ALK: variants seen among roughly 807,000 people sequenced by gnomAD.
ALK encodes the protein ALK tyrosine kinase receptor.
In ALK, 74 loss-of-function variants were observed where a neutral mutation model predicts 163.1. The observed-to-expected ratio is 0.45, with a 90% confidence interval of 0.38 to 0.55. The LOEUF is 0.55. ALK is among the 20% of genes least tolerant of loss of function. The pLI is 0.00. For missense variants in ALK, 2,063 were observed against 2,105.3 expected (o/e 0.98, Z 0.39); for synonymous variants, 960 against 843.2 (o/e 1.14, Z -2.40).
At chr2:29,206,610 C>T (rs560849747) in intron 26 of ALK, among the ~76,000 whole-genome samples, 2 of 152,186 alleles carry the variant, frequency 1.3e-5, no homozygotes, top group South Asian at 4.2e-4. Flanking sequence ...TTCTGGGGCT[C>T]TCAGGCAGAG....
chr2:29,617,881 T>G (rs1332024516), intron 3 of ALK, among the ~76,000 whole-genome samples: 1 of 152,140 alleles, frequency 6.6e-6, no homozygotes, highest in Non-Finnish European at 1.5e-5. Context: ...CAACAGACAG[T>G]GAAATTTTCT....
intron 3 of ALK, among the ~76,000 whole-genome samples, chr2:29,609,312 T>C (rs866643384): frequency 2.0e-5 from 3 of 152,162 alleles, no homozygotes; most frequent in Non-Finnish European, 2.9e-5. Flanking sequence ...CTCTCTCTGG[T>C]GCCCATTCCA....
chr2:29,660,016 C>T lies in ALK; in HGVS notation c.952+34834G>A, dbSNP rs79458248. Among the ~76,000 whole-genome samples the T allele has an allele frequency of 3.9e-3, 594 of 152,244 alleles. 2 individuals are homozygous for T. Among genetic ancestry groups the T allele is most frequent in the African/African-American group, 0.014 (568 of 41,538 alleles). ...AGACTCCATCTTTTAAAAAGTGATA[C>T]CCCACTTTCGGGACATGAAATAAAA... is the stretch of plus-strand genomic sequence containing the variant. On this transcript the variant is annotated intron_variant, in intron 3 of 28. Transcript: ENST00000389048.
At chr2:29,360,974 TAGATGCAG>T (rs202168209) in intron 5 of ALK, among the ~76,000 whole-genome samples, 2 of 152,110 alleles carry the variant, frequency 1.3e-5, no homozygotes, top group Non-Finnish European at 2.9e-5. Context: ...AGGGCTCAGC[TAGATGCAG>T]AGATGCAGAG....
At chr2:29,623,879 A>G (rs1676113342) in intron 3 of ALK, among the ~76,000 whole-genome samples, 1 of 152,232 alleles carries the variant, frequency 6.6e-6, no homozygotes, top group Admixed American at 6.5e-5. Context: ...TCTTTCTTCA[A>G]ACGTCTATTT....
intron 4 of ALK, among the ~76,000 whole-genome samples, chr2:29,493,158 G>C (rs955860293): frequency 6.6e-6 from 1 of 152,158 alleles, no homozygotes; most frequent in Non-Finnish European, 1.5e-5. Flanking sequence ...AAGGAGTGTG[G>C]ATTGGTGTCT....
In ALK at chr2:29,404,888, T is replaced by C. The variant is rs142649888; in HGVS notation, c.1155-21029A>G. On this transcript the variant is annotated intron_variant, in intron 4 of 28. Transcript: ENST00000389048. ...GCCACGAGGAAAAGCAGCACTCAAG[T>C]CTTCCCACCCAGCCCCAAGGAGGAG... 9.4e-3 allele frequency among the ~76,000 whole-genome samples: 1,428 copies of C among 152,270 alleles called. 16 individuals carry two copies. The highest frequency in any genetic ancestry group is 0.015 in the Non-Finnish European group (1,025 of 68,012).
chr2:29,863,951 C>G (rs1443934123), intron 1 of ALK, among the ~76,000 whole-genome samples: 3 of 152,220 alleles, frequency 2.0e-5, no homozygotes, highest in African/African-American at 7.2e-5. Flanking sequence ...TTTCTCCCAA[C>G]AGCCTGTCGT....
At chr2:29,407,633 T>C (rs1220278861) in intron 4 of ALK, among the ~76,000 whole-genome samples, 3 of 152,252 alleles carry the variant, frequency 2.0e-5, no homozygotes, top group Non-Finnish European at 2.9e-5. Flanking sequence ...ACTGTCTTTA[T>C]ATGCAAAGTA....
intron 1 of ALK, among the ~76,000 whole-genome samples, chr2:29,771,374 A>C (rs1158039998): frequency 6.6e-6 from 1 of 152,216 alleles, no homozygotes; most frequent in Non-Finnish European, 1.5e-5. Flanking sequence ...AGTTCTAATC[A>C]AACAAGCTTC....
chr2:29,364,936 T>C (rs1253433646), intron 5 of ALK, among the ~76,000 whole-genome samples: 1 of 152,230 alleles, frequency 6.6e-6, no homozygotes, highest in South Asian at 2.1e-4. Flanking sequence ...TTAGCTTGTT[T>C]TGAACATTTC....
intron 5 of ALK, among the ~76,000 whole-genome samples, chr2:29,377,490 A>AG (rs1420770636): frequency 1.3e-5 from 2 of 151,134 alleles, no homozygotes; most frequent in Non-Finnish European, 2.9e-5. Context: ...AAAAAAAAAA[A>AG]AAGAGAGAGC....
At chr2:29,659,297 G>A (rs971172319) in intron 3 of ALK, among the ~76,000 whole-genome samples, 1 of 152,298 alleles carries the variant, frequency 6.6e-6, no homozygotes, top group Admixed American at 6.5e-5. Flanking sequence ...TTTATAGACA[G>A]TATTTAGGAT....
At chr2:29,558,855 C>T (rs1673935937) in intron 3 of ALK, among the ~76,000 whole-genome samples, 1 of 152,068 alleles carries the variant, frequency 6.6e-6, no homozygotes, top group Admixed American at 6.6e-5. Flanking sequence ...ACGGTGGACA[C>T]CCATAAATGA....
At chr2:29,824,337 C>A (rs1429298489) in intron 1 of ALK, among the ~76,000 whole-genome samples, 1 of 152,198 alleles carries the variant, frequency 6.6e-6, no homozygotes, top group Non-Finnish European at 1.5e-5. Flanking sequence ...ACACAGAATC[C>A]CTACTGGGGC....
At chr2:29,522,752 G>C (rs1453873673) in intron 4 of ALK, among the ~76,000 whole-genome samples, 1 of 152,110 alleles carries the variant, frequency 6.6e-6, no homozygotes, top group Admixed American at 6.5e-5. Flanking sequence ...TGCAAAGTGG[G>C]GACTGAAGGG....
At chr2:29,294,051 A>T (rs1437974787) in intron 9 of ALK, among the ~76,000 whole-genome samples, 1 of 152,234 alleles carries the variant, frequency 6.6e-6, no homozygotes, top group African/African-American at 2.4e-5. Flanking sequence ...AGCTGAAGCC[A>T]GGAGCTGCCT....
intron 3 of ALK, among the ~76,000 whole-genome samples, chr2:29,608,412 T>G (rs766626261): frequency 3.3e-5 from 5 of 152,218 alleles, no homozygotes; most frequent in Non-Finnish European, 5.9e-5. Context: ...AGGTGTGAGT[T>G]GTCTGACATA....
chr2:29,461,771 C>G (rs148853816), intron 4 of ALK, among the ~76,000 whole-genome samples: 1 of 151,996 alleles, frequency 6.6e-6, no homozygotes, highest in Admixed American at 6.6e-5. Flanking sequence ...CCATTGATCA[C>G]GAAGTAATTT....
Sources: allele counts gnomAD v4.1 joint callset (sites outside exome capture counted in the v4.1 genomes callset), GRCh38; gene constraint gnomAD v4.1.1; transcripts MANE v1.5; gene names NCBI Gene and HGNC (gene_info 2026-07-23, HGNC 2026-07-21).